The following ATP11A variants were observed in gnomAD, a reference collection of about 807,000 sequenced individuals.
ATP11A encodes the protein ATPase phospholipid transporting 11A, also known as phospholipid-transporting ATPase IH.
Under a neutral mutation model 154.4 loss-of-function variants are expected in ATP11A, and 81 were observed. That is an observed-to-expected ratio of 0.52 (90% CI 0.44 to 0.63). The LOEUF (loss-of-function observed/expected upper bound fraction) is 0.63. Among genes scored for constraint, ATP11A ranks in the 30% least tolerant of loss-of-function variants. ATP11A has a pLI of 0.00. For synonymous variants in ATP11A, 623 were observed against 585.9 expected (o/e 1.06, Z -0.91); for missense variants, 1,316 against 1,474.3 (o/e 0.89, Z 1.76).
intron 25 of ATP11A, among the ~76,000 whole-genome samples, chr13:112,867,885 A>G (rs2080389755): frequency 6.6e-6 from 1 of 152,172 alleles, no homozygotes; most frequent in Non-Finnish European, 1.5e-5. Flanking sequence ...GATACTCCCA[A>G]CGGGGTTACA....
Position 112,690,593 on chromosome 13 carries a change from G to T in ATP11A, c.39+138G>T. The T allele has an allele frequency of 2.5e-6, 2 of 802,234 alleles. No homozygotes were observed. The highest frequency in any genetic ancestry group is 3.3e-6 in the Non-Finnish European group (2 of 600,868). The allele number at this position is 802,234 out of a possible 1,614,324, so 49.7% of individuals were successfully genotyped here. ...GTCTGGGACTCGGACCGCCCCCGGG[G>T]ACGAGCGGGATGCTGGGGAGGGGCC... On this transcript the variant is annotated intron_variant, in intron 1 of 29. Coordinates refer to ENST00000375645, the MANE Select transcript of ATP11A (RefSeq NM_015205.3). This position sits in a 1 kb window ranked among gnomAD's most constrained non-coding sequence, Gnocchi z 5.6.
chr13:112,744,281 C>T (rs1266338337), intron 1 of ATP11A, among the ~76,000 whole-genome samples: 2 of 147,892 alleles, frequency 1.4e-5, no homozygotes, highest in Non-Finnish European at 1.5e-5. Flanking sequence ...CGGCTTGGGA[C>T]GGTCTGGGAG....
rs1448000773 is a variant in ATP11A at position 112,807,795 on chromosome 13, T to C, written c.333+1502T>C. The stretch of plus-strand genomic sequence containing the variant: ...ACATCTGTGTGGTAGGAGCAGAGGC[T>C]GCAGACAGGAAGGAGACCCCTGAGC... On this transcript the variant is annotated intron_variant, in intron 4 of 29. Coordinates refer to ENST00000375645, the MANE Select transcript of ATP11A (RefSeq NM_015205.3). This position sits in a 1 kb window ranked among gnomAD's most constrained non-coding sequence, Gnocchi z 4.5. Among the ~76,000 whole-genome samples, 3 of 152,188 alleles carry C rather than the reference T, an allele frequency of 2.0e-5. No homozygotes were observed. Among genetic ancestry groups the C allele is most frequent in the Admixed American group, 1.3e-4 (2 of 15,294 alleles).
intron 2 of ATP11A, among the ~76,000 whole-genome samples, chr13:112,798,140 G>T (rs1191322768): frequency 6.6e-6 from 1 of 152,204 alleles, no homozygotes; most frequent in Non-Finnish European, 1.5e-5. Context: ...TCATGAGGGA[G>T]GAGCCCGCAT....
At chr13:112,715,701 T>G (rs2139598804) in intron 1 of ATP11A, among the ~76,000 whole-genome samples, 1 of 151,062 alleles carries the variant, frequency 6.6e-6, no homozygotes, top group South Asian at 2.1e-4. Flanking sequence ...CAGATTAATC[T>G]TCTTCCAAAG....
At chr13:112,691,731 AG>A (rs1221041610) in intron 1 of ATP11A, among the ~76,000 whole-genome samples, 4 of 152,302 alleles carry the variant, frequency 2.6e-5, no homozygotes, top group Non-Finnish European at 4.4e-5. Flanking sequence ...TTCTTTAAAT[AG>A]GAGACCTTGG....
At chr13:112,700,909 G>A (rs1460940509) in intron 1 of ATP11A, among the ~76,000 whole-genome samples, 2 of 152,218 alleles carry the variant, frequency 1.3e-5, no homozygotes, top group African/African-American at 4.8e-5. Context: ...ATCTCCACGT[G>A]CGTGGGCTTG....
At position 112,884,625 on chromosome 13, in the gene ATP11A, G is replaced by A. The variant is rs987923343; in HGVS notation, c.*2759G>A. On this transcript the variant is annotated 3_prime_UTR_variant, in exon 30 of 30. Transcript: ENST00000375645. The stretch of plus-strand genomic sequence containing the variant: ...TTGCCTTAAACTAACTTTGAAGCAA[G>A]TAATGTCAACTTTGAGCACTTTGTT... 1 of 152,268 alleles carries A rather than the reference G, an allele frequency of 6.6e-6. No individual in the cohort carries two copies. The highest frequency in any genetic ancestry group is 1.5e-5 in the Non-Finnish European group (1 of 68,058). The allele number at this position is 152,268 out of a possible 1,614,324, so 9.4% of individuals were successfully genotyped here.
At chr13:112,732,314 A>G (rs1178198054) in intron 1 of ATP11A, among the ~76,000 whole-genome samples, 15 of 152,214 alleles carry the variant, frequency 9.9e-5, no homozygotes, top group Admixed American at 9.8e-4. Flanking sequence ...GTAAGAATAT[A>G]TACAAAAACT....
chr13:112,835,159 A>C (rs946407164), intron 15 of ATP11A, among the ~76,000 whole-genome samples: 8 of 152,204 alleles, frequency 5.3e-5, no homozygotes, highest in Non-Finnish European at 1.0e-4. Context: ...GGATTGTTTT[A>C]CTTTTCATAT....
intron 5 of ATP11A, among the ~76,000 whole-genome samples, chr13:112,811,350 C>A (rs1460868650): frequency 6.6e-6 from 1 of 151,852 alleles, no homozygotes; most frequent in Non-Finnish European, 1.5e-5. Flanking sequence ...ACCCCCATCC[C>A]CACACACAGC....
At chr13:112,814,413 C>T (rs1048374432) in intron 5 of ATP11A, among the ~76,000 whole-genome samples, 10 of 151,984 alleles carry the variant, frequency 6.6e-5, no homozygotes, top group African/African-American at 2.4e-4. Flanking sequence ...CTGAATGAAG[C>T]ATTCTTTGCC....
intron 17 of ATP11A, among the ~76,000 whole-genome samples, chr13:112,847,129 C>G (rs1199654806): frequency 6.6e-6 from 1 of 152,210 alleles, no homozygotes; most frequent in Non-Finnish European, 1.5e-5. Flanking sequence ...GCCCGAGCCT[C>G]GGCCTGGAAG....
intron 1 of ATP11A, among the ~76,000 whole-genome samples, chr13:112,724,547 C>G (rs1165522295): frequency 2.6e-5 from 4 of 152,052 alleles, no homozygotes; most frequent in Non-Finnish European, 4.4e-5. Flanking sequence ...TCCAGAGTTT[C>G]ATCAGAGTCT....
intron 27 of ATP11A, among the ~76,000 whole-genome samples, chr13:112,874,364 C>T (rs898095088): frequency 1.3e-5 from 2 of 152,186 alleles, no homozygotes; most frequent in Admixed American, 6.5e-5. Context: ...CGTGGTCAGT[C>T]GAGGCAGAGC....
rs1405878195 is a variant in ATP11A at position 112,842,346 on chromosome 13, C to A, written c.1776C>A (p.Asp592Glu). 6.2e-7 allele frequency: 1 copy of A among 1,610,654 alleles called. No individual in the cohort carries two copies. Among genetic ancestry groups the A allele is most frequent in the Non-Finnish European group, 8.5e-7 (1 of 1,178,392 alleles). The change falls in exon 17 of 30, where the codon GAC (aspartate) becomes GAA (glutamate). Residue 592 changes from aspartate (D) to glutamate (E), a missense_variant. By Grantham distance (45) the Asp-to-Glu change is conservative. Around this residue, in one of 5 missense-constraint regions of ATP11A, gnomAD observed 876 missense variants for 1,006.8 expected, o/e 0.87. Coordinates refer to ENST00000375645, the MANE Select transcript of ATP11A (RefSeq NM_015205.3). ...IFPRVIEGKV[D>E]QIRARVERNA... Reference sequence around the variant, plus strand: ...CCCGAGTGATAGAAGGCAAAGTTGACCAGATCCGAGCCAGAGTGGAGCGTA... The same window carrying A: ...CCCGAGTGATAGAAGGCAAAGTTGAACAGATCCGAGCCAGAGTGGAGCGTA...
intron 25 of ATP11A, among the ~76,000 whole-genome samples, chr13:112,869,500 T>C (rs1475245650): frequency 6.6e-6 from 1 of 152,248 alleles, no homozygotes. Context: ...AGTTATCACC[T>C]GTGGCGCTGT....
Position 112,884,055 on chromosome 13 carries a change from A to G in ATP11A, c.*2189A>G, listed in dbSNP as rs555400946. On this transcript the variant is annotated 3_prime_UTR_variant, in exon 30 of 30. Coordinates refer to ENST00000375645, the MANE Select transcript of ATP11A (RefSeq NM_015205.3). ...TTTTAAAGCTTTCATTTTTAAGTTT[A>G]TGAAATTTTGGCCACTTTACATTTA... 6.6e-6 allele frequency: 1 copy of G among 152,450 alleles called. No homozygotes were observed. The highest frequency in any genetic ancestry group is 1.5e-5 in the Non-Finnish European group (1 of 68,040). The allele number at this position is 152,450 out of a possible 1,614,324, so 9.4% of individuals were successfully genotyped here.
At chr13:112,820,078 C>A in intron 8 of ATP11A, 128 bp downstream of exon 8, 2 of 903,448 alleles carry the variant, frequency 2.2e-6, no homozygotes, top group South Asian at 1.8e-5. Context: ...TCCGCTTTCC[C>A]ACAGGGCCGG....
Sources: allele counts gnomAD v4.1 joint callset (sites outside exome capture counted in the v4.1 genomes callset), GRCh38; gene constraint gnomAD v4.1.1; regional missense constraint gnomAD v4.1.1; non-coding constraint Gnocchi (gnomAD v3.1); transcripts MANE v1.5; gene names NCBI Gene and HGNC (gene_info 2026-07-23, HGNC 2026-07-21).